Variants in LRMDA observed in about 807,000 individuals in gnomAD.
The protein encoded by LRMDA is leucine rich melanocyte differentiation associated.
Under a neutral mutation model 29.8 loss-of-function variants are expected in LRMDA, and 18 were observed. The ratio of observed to expected loss-of-function variants is 0.60; its 90% CI spans 0.42 to 0.90. The LOEUF (loss-of-function observed/expected upper bound fraction) is 0.90. LRMDA is among the 40% of genes least tolerant of loss of function. The probability of loss-of-function intolerance (pLI) is 0.00; values close to 1 mark genes in which losing one functional copy is unlikely to be tolerated. For synonymous variants in LRMDA, 125 were observed against 109.4 expected (o/e 1.14, Z -0.89); for missense variants, 273 against 273.9 (o/e 1.00, Z 0.02).
chr10:76,020,597 A>G (rs1589291795), intron 2 of LRMDA, among the ~76,000 whole-genome samples: 2 of 152,184 alleles, frequency 1.3e-5, no homozygotes, highest in Admixed American at 6.5e-5. Flanking sequence ...ATCCACAGCC[A>G]CTGACTCCTG....
intron 5 of LRMDA, among the ~76,000 whole-genome samples, chr10:76,068,677 GC>G (rs1487666279): frequency 6.6e-6 from 1 of 152,198 alleles, no homozygotes; most frequent in Non-Finnish European, 1.5e-5. Flanking sequence ...CATGTCTGTA[GC>G]CCCGGGATTG....
chr10:75,495,210 A>C (rs900019450), intron 2 of LRMDA, among the ~76,000 whole-genome samples: 1 of 151,870 alleles, frequency 6.6e-6, no homozygotes, highest in African/African-American at 2.4e-5. Context: ...TCATTCATCT[A>C]TTGTATCCTG....
chr10:75,605,354 C>A (rs1296721174), intron 2 of LRMDA, among the ~76,000 whole-genome samples: 1 of 152,128 alleles, frequency 6.6e-6, no homozygotes, highest in Non-Finnish European at 1.5e-5. Context: ...TAGTTTACAC[C>A]AGTCTTCAGT....
At chr10:75,939,891 T>C (rs923408668) in intron 2 of LRMDA, among the ~76,000 whole-genome samples, 1 of 152,080 alleles carries the variant, frequency 6.6e-6, no homozygotes, top group African/African-American at 2.4e-5. Flanking sequence ...AAGCATGTAT[T>C]TGGTCTTTGA....
intron 2 of LRMDA, among the ~76,000 whole-genome samples, chr10:75,585,860 C>A (rs541382656): frequency 1.2e-4 from 18 of 152,326 alleles, no homozygotes; most frequent in African/African-American, 4.3e-4. Context: ...CTGGCAACCA[C>A]TATTCAACTC....
At chr10:76,310,700 T>C (rs1564719707) in intron 5 of LRMDA, among the ~76,000 whole-genome samples, 1 of 152,198 alleles carries the variant, frequency 6.6e-6, no homozygotes, top group African/African-American at 2.4e-5. Context: ...GTGAGATCCA[T>C]CAAGTTTAAG....
Position 75,579,915 on chromosome 10 carries a change from C to T in LRMDA, c.131+141421C>T, listed in dbSNP as rs192638886. Among the ~76,000 whole-genome samples the T allele has an allele frequency of 2.5e-4, 38 of 152,272 alleles. No individual in the cohort carries two copies. In the East Asian group the frequency reaches 5.2e-3, roughly 21 times the overall value. Reference sequence around the variant, plus strand: ...CTCAATAAACCAGATATTGATGGAACGTATCTCAAAATAATAAGAGCTATT... The same window carrying T: ...CTCAATAAACCAGATATTGATGGAATGTATCTCAAAATAATAAGAGCTATT... On this transcript the variant is annotated intron_variant, in intron 2 of 6. Transcript: ENST00000611255.
intron 2 of LRMDA, among the ~76,000 whole-genome samples, chr10:76,001,498 TA>T (rs1435563544): frequency 6.6e-6 from 1 of 152,164 alleles, no homozygotes; most frequent in Non-Finnish European, 1.5e-5. Flanking sequence ...AGTTTAAGAG[TA>T]AATTCATTAT....
intron 2 of LRMDA, among the ~76,000 whole-genome samples, chr10:75,512,659 C>T (rs1452935150): frequency 6.6e-6 from 1 of 152,014 alleles, no homozygotes; most frequent in Non-Finnish European, 1.5e-5. Context: ...GGTCGGAGTT[C>T]CCAGAGGAAT....
At chr10:75,569,211 C>G (rs1840407790) in intron 2 of LRMDA, among the ~76,000 whole-genome samples, 1 of 152,142 alleles carries the variant, frequency 6.6e-6, no homozygotes, top group South Asian at 2.1e-4. Flanking sequence ...TTTCTGAAGG[C>G]TCTGAAAGCA....
Position 75,467,309 on chromosome 10 carries a change from C to T in LRMDA, c.131+28815C>T, listed in dbSNP as rs1261990896. ...AGTTGCAGCCAAGGCTTGGCTTGCC[C>T]TGGTGAGTGACTTCCCCACCTGCCA... is the stretch of plus-strand genomic sequence containing the variant. On this transcript the variant is annotated intron_variant, in intron 2 of 6. Transcript: ENST00000611255. Among the ~76,000 whole-genome samples, 3 of 152,260 alleles carry T rather than the reference C, an allele frequency of 2.0e-5. No homozygotes were observed. The South Asian group carries it at 6.2e-4, about 32-fold the overall frequency.
intron 2 of LRMDA, among the ~76,000 whole-genome samples, chr10:75,516,668 G>T (rs898323943): frequency 6.6e-6 from 1 of 152,016 alleles, no homozygotes; most frequent in African/African-American, 2.4e-5. Flanking sequence ...CACTCTGATG[G>T]TAGTTTCTTT....
At chr10:75,559,747 A>T (rs1292393635) in intron 2 of LRMDA, among the ~76,000 whole-genome samples, 2 of 139,694 alleles carry the variant, frequency 1.4e-5, no homozygotes, top group African/African-American at 2.5e-5. Flanking sequence ...AGCTTTCTAT[A>T]TATGGCTAGC....
Position 75,649,744 on chromosome 10 carries a change from G to A in LRMDA, c.131+211250G>A, listed in dbSNP as rs144180324. Among the ~76,000 whole-genome samples, 71 of 152,304 alleles carry A rather than the reference G, an allele frequency of 4.7e-4. 1 individual carries two copies. The East Asian group carries it at 0.013, about 27-fold the overall frequency. ...TGCCATATTGTTTTTTATAGCAGCT[G>A]CACAACTTTCCGATTTCTCTACATC... On this transcript the variant is annotated intron_variant, in intron 2 of 6. Transcript: ENST00000611255.
At position 75,609,515 on chromosome 10, in the gene LRMDA, C is replaced by T. The variant is rs1287598965; in HGVS notation, c.131+171021C>T. Among the ~76,000 whole-genome samples the T allele has an allele frequency of 2.6e-5, 4 of 152,308 alleles. No homozygotes were observed. The East Asian group carries it at 7.7e-4, about 29-fold the overall frequency. On this transcript the variant is annotated intron_variant, in intron 2 of 6. Transcript: ENST00000611255. ...CTACTTCTAGAAGGAGTAAATGTGG[C>T]ATCTTGGGCGAATTCAGCATCTTTC...
intron 2 of LRMDA, among the ~76,000 whole-genome samples, chr10:75,835,045 T>G (rs1366384607): frequency 6.6e-6 from 1 of 152,262 alleles, no homozygotes; most frequent in Non-Finnish European, 1.5e-5. Flanking sequence ...TATTTATAAG[T>G]GTAAAATCTG....
chr10:75,673,900 C>T (rs1841930225), intron 2 of LRMDA, among the ~76,000 whole-genome samples: 1 of 152,182 alleles, frequency 6.6e-6, no homozygotes, highest in African/African-American at 2.4e-5. Context: ...CTCTTTTCCT[C>T]CTTTCTTAGC....
chr10:75,689,583 A>G (rs972779183), intron 2 of LRMDA, among the ~76,000 whole-genome samples: 1 of 152,080 alleles, frequency 6.6e-6, no homozygotes, highest in Admixed American at 6.5e-5. Flanking sequence ...GCATATTTCC[A>G]AGGCACCTGG....
At chr10:75,672,253 G>T (rs1021721842) in intron 2 of LRMDA, among the ~76,000 whole-genome samples, 2 of 152,058 alleles carry the variant, frequency 1.3e-5, no homozygotes, top group Admixed American at 1.3e-4. Flanking sequence ...GAGTGGCCTT[G>T]TGAGAGCTCC....
Sources: allele counts gnomAD v4.1 joint callset (sites outside exome capture counted in the v4.1 genomes callset), GRCh38; gene constraint gnomAD v4.1.1; transcripts MANE v1.5; gene names NCBI Gene and HGNC (gene_info 2026-07-23, HGNC 2026-07-21).